ATP8A2: variants seen among roughly 807,000 people sequenced by gnomAD.
ATP8A2 encodes the protein phospholipid-transporting ATPase IB.
In ATP8A2, 100 loss-of-function variants were observed where a neutral mutation model predicts 165.6. That is an observed-to-expected ratio of 0.60 (90% confidence interval 0.51 to 0.71). The LOEUF (loss-of-function observed/expected upper bound fraction) is 0.71, where lower values mean the gene tolerates loss of function less well. ATP8A2 is among the 30% of genes least tolerant of loss of function. The pLI, the probability that ATP8A2 is intolerant of heterozygous loss-of-function variation, is 0.00. For synonymous variants in ATP8A2, 543 were observed against 548.8 expected, an observed-to-expected ratio of 0.99 and a Z score of 0.15; for missense variants, 1,227 against 1,479.5, an observed-to-expected ratio of 0.83 and a Z score of 2.80.
chr13:25,460,566 C>T (rs1402081708), intron 1 of ATP8A2, among the ~76,000 whole-genome samples: 2 of 152,136 alleles, frequency 1.3e-5, no homozygotes, highest in Admixed American at 1.3e-4. Flanking sequence ...TCCTTAAAAG[C>T]ACATTTGTCT....
At chr13:25,529,754 T>G (rs1372073802) in intron 2 of ATP8A2, among the ~76,000 whole-genome samples, 1 of 152,120 alleles carries the variant, frequency 6.6e-6, no homozygotes. Flanking sequence ...TGTGTGAAAA[T>G]TAAAGAAGCA....
intron 30 of ATP8A2, among the ~76,000 whole-genome samples, chr13:25,859,571 A>G (rs555424059): frequency 1.2e-4 from 19 of 152,128 alleles, no homozygotes; most frequent in Admixed American, 3.9e-4. Flanking sequence ...AAGAAAAAAA[A>G]AAAAAGGAAA....
At chr13:25,676,565 G>A (rs1424711071) in intron 24 of ATP8A2, among the ~76,000 whole-genome samples, 9 of 152,118 alleles carry the variant, frequency 5.9e-5, no homozygotes, top group Non-Finnish European at 1.3e-4. Flanking sequence ...TACCCAACCA[G>A]CTCAACCAGC....
chr13:25,669,676 C>T (rs1382852589), intron 24 of ATP8A2, among the ~76,000 whole-genome samples: 1 of 152,180 alleles, frequency 6.6e-6, no homozygotes, highest in Non-Finnish European at 1.5e-5. Context: ...TTTGGTCTGT[C>T]CCTTACTAGT....
intron 33 of ATP8A2, among the ~76,000 whole-genome samples, chr13:25,887,878 T>C (rs1332679289): frequency 6.6e-6 from 1 of 152,220 alleles, no homozygotes; most frequent in Non-Finnish European, 1.5e-5. Context: ...CATATCAATA[T>C]GTTTTTGAAT....
chr13:25,764,274 T>G (rs1322731128), intron 25 of ATP8A2, among the ~76,000 whole-genome samples: 1 of 152,190 alleles, frequency 6.6e-6, no homozygotes, highest in Non-Finnish European at 1.5e-5. Context: ...ACACTCAGAT[T>G]AAAAGAATAT....
chr13:25,449,809 C>G (rs1469338339), intron 1 of ATP8A2, among the ~76,000 whole-genome samples: 1 of 151,998 alleles, frequency 6.6e-6, no homozygotes, highest in Admixed American at 6.6e-5. Flanking sequence ...CTTTTTTGCC[C>G]TTGTAATATT....
In ATP8A2 at chr13:25,719,619, C is replaced by A. The variant is rs201959711; in HGVS notation, c.2384+20274C>A. ...AGATGGCAGATAAGGTAGATTCAAT[C>A]ATTTAACATCCATTCCAATCTCCCG... is the stretch of plus-strand genomic sequence containing the variant. On this transcript the variant is annotated intron_variant, in intron 25 of 36. Transcript: ENST00000381655. Among the ~76,000 whole-genome samples the A allele has an allele frequency of 8.5e-5, 13 of 152,296 alleles. 1 individual carries two copies. The East Asian group carries it at 2.3e-3, about 27-fold the overall frequency.
intron 33 of ATP8A2, among the ~76,000 whole-genome samples, chr13:25,889,473 C>A (rs961312954): frequency 1.3e-5 from 2 of 151,908 alleles, no homozygotes; most frequent in African/African-American, 4.8e-5. Flanking sequence ...TTGGTCATAA[C>A]CCTATTCACA....
At chr13:25,451,858 T>TTC (rs1041557795) in intron 1 of ATP8A2, among the ~76,000 whole-genome samples, 1 of 150,844 alleles carries the variant, frequency 6.6e-6, no homozygotes, top group African/African-American at 2.4e-5. Context: ...CATGGTTTTT[T>TTC]TTTTTTCTTT....
intron 23 of ATP8A2, among the ~76,000 whole-genome samples, chr13:25,586,372 G>T (rs569204837): frequency 2.6e-5 from 4 of 152,150 alleles, no homozygotes; most frequent in African/African-American, 9.7e-5. Flanking sequence ...GGGAGAAGCC[G>T]TGAGGTGAGG....
chr13:25,487,681 A>G (rs111903880), intron 2 of ATP8A2, among the ~76,000 whole-genome samples: 1,770 of 152,332 alleles, frequency 0.012, 41 homozygotes, highest in African/African-American at 0.04. Context: ...TAAGGTGCAT[A>G]TCGAATAGGA....
chr13:25,781,038 G>T (rs1051631686), intron 27 of ATP8A2, among the ~76,000 whole-genome samples: 4 of 152,130 alleles, frequency 2.6e-5, no homozygotes, highest in African/African-American at 9.7e-5. Context: ...GAGGTGGGTG[G>T]ATCACGAGGT....
At chr13:25,515,412 C>G (rs937119919) in intron 2 of ATP8A2, among the ~76,000 whole-genome samples, 2 of 152,210 alleles carry the variant, frequency 1.3e-5, no homozygotes, top group Admixed American at 1.3e-4. Context: ...TCTGAGATAC[C>G]ATTTGTGAAG....
At chr13:25,686,824 T>TG (rs1459434832) in intron 24 of ATP8A2, among the ~76,000 whole-genome samples, 162 of 152,278 alleles carry the variant, frequency 1.1e-3, no homozygotes, top group Non-Finnish European at 2.1e-4. Flanking sequence ...GATGGAATCC[T>TG]GCTTCCTAAA....
At chr13:25,549,384 G>A (rs1011367333) in intron 10 of ATP8A2, among the ~76,000 whole-genome samples, 8 of 151,272 alleles carry the variant, frequency 5.3e-5, no homozygotes, top group South Asian at 2.1e-4. Context: ...CACTTGAACC[G>A]GGGAGGCAGA....
In ATP8A2 at chr13:25,954,630, G is replaced by T. The variant is rs145139220; in HGVS notation, c.3184-6945G>T. On this transcript the variant is annotated intron_variant, in intron 33 of 36. Transcript: ENST00000381655. ...AGAGAGCTCTGACTGGCATCTGGCG[G>T]GTGCCCCTCTGGGATGAAGCTTCTG... Among the ~76,000 whole-genome samples, 1,462 of 152,284 alleles carry T rather than the reference G, an allele frequency of 9.6e-3. 29 individuals are homozygous for T. The highest frequency in any genetic ancestry group is 0.033 in the African/African-American group (1,382 of 41,554).
At chr13:25,977,800 C>CTGCG (rs1324572475) in intron 35 of ATP8A2, among the ~76,000 whole-genome samples, 1 of 152,150 alleles carries the variant, frequency 6.6e-6, no homozygotes, top group Non-Finnish European at 1.5e-5. Flanking sequence ...TTGCCCAGTG[C>CTGCG]TGCGATGAAG....
intron 1 of ATP8A2, among the ~76,000 whole-genome samples, chr13:25,375,532 G>A (rs1297157138): frequency 6.6e-6 from 1 of 152,106 alleles, no homozygotes; most frequent in Non-Finnish European, 1.5e-5. Context: ...TGAAAGAACG[G>A]GCAGGCAGGA....
Sources: gnomAD v4.1 joint callset for allele counts (sites outside exome capture counted in the v4.1 genomes callset) on GRCh38, gnomAD v4.1.1 for gene constraint, MANE v1.5 for transcripts, NCBI Gene and HGNC (gene_info 2026-07-23, HGNC 2026-07-21) for gene names.